The following KANTR variants were observed in gnomAD, a reference collection of about 807,000 sequenced individuals.
KANTR encodes the protein KANTR integral membrane protein, also known as KDM5C adjacent transcript.
chrX:53,136,319 A>G (rs1360281620), intron 2 of KANTR, among the ~76,000 whole-genome samples: 1 of 108,593 alleles, frequency 9.2e-6, no homozygotes, highest in Non-Finnish European at 1.9e-5. Context: ...GCTCACTGCA[A>G]CCTCCACCTC....
downstream of KANTR, among the ~76,000 whole-genome samples, chrX:53,145,424 C>T (rs1338373034): frequency 8.9e-6 from 1 of 111,993 alleles, no homozygotes; most frequent in Non-Finnish European, 1.9e-5. Flanking sequence ...GCAGTCTGAG[C>T]TCAAACTGCA....
In KANTR at chrX:53,098,910, A is replaced by T. The variant is rs1569232890; in HGVS notation, c.-941-562A>T. On this transcript the variant is annotated intron_variant, in intron 1 of 2. Coordinates refer to ENST00000604062, the Ensembl canonical transcript of KANTR. The stretch of plus-strand genomic sequence containing the variant: ...CCAGCCAATTTTTAAAATTTTGCAA[A>T]GGTGGGGTCTTGTTGTGTTGTCCAG... Among the ~76,000 whole-genome samples, 7 of 110,756 alleles carry T rather than the reference A, an allele frequency of 6.3e-5. 1 individual carries two copies. The Admixed American group carries it at 6.8e-4, about 11-fold the overall frequency.
intron 2 of KANTR, among the ~76,000 whole-genome samples, chrX:53,108,335 G>T (rs1222289156): frequency 9.2e-6 from 1 of 109,023 alleles, no homozygotes; most frequent in Non-Finnish European, 1.9e-5. Flanking sequence ...CCAAGCAGCT[G>T]GGACTACAGG....
intron 2 of KANTR, among the ~76,000 whole-genome samples, chrX:53,122,388 C>T (rs966402664): frequency 5.4e-4 from 61 of 112,192 alleles, no homozygotes; most frequent in African/African-American, 1.9e-3. Context: ...ACCATATCAG[C>T]TATAAATAAT....
At chrX:53,144,536 A>G (rs1237735466), downstream of KANTR, among the ~76,000 whole-genome samples, 1 of 111,273 alleles carries the variant, frequency 9.0e-6, no homozygotes, top group East Asian at 2.8e-4. Context: ...TCTCTCCTAA[A>G]AATACAAAAA....
intron 2 of KANTR, among the ~76,000 whole-genome samples, chrX:53,134,417 A>AG (rs782695995): frequency 2.7e-5 from 3 of 111,279 alleles, no homozygotes; most frequent in Non-Finnish European, 5.7e-5. Context: ...ATAAAGGTCA[A>AG]GGTAGTGGTT....
chrX:53,135,360 C>G (rs1556817488), intron 2 of KANTR, among the ~76,000 whole-genome samples: 1 of 111,540 alleles, frequency 9.0e-6, no homozygotes. Flanking sequence ...TTGGATCACC[C>G]CTAGCCACAC....
exon 3 of KANTR, chrX:53,123,861 G>T (rs1438458384): frequency 8.8e-6 from 1 of 113,822 alleles, no homozygotes; most frequent in Non-Finnish European, 1.8e-5. Flanking sequence ...CACCTTCAGG[G>T]ACTGCAGAGA....
At chrX:53,113,826 C>T (rs1212111534) in intron 2 of KANTR, among the ~76,000 whole-genome samples, 1 of 109,530 alleles carries the variant, frequency 9.1e-6, no homozygotes, top group Admixed American at 9.7e-5. Context: ...AGTGATCTGC[C>T]TGCCTCAGCC....
At chrX:53,118,428 T>TA (rs1232418305) in intron 2 of KANTR, among the ~76,000 whole-genome samples, 2 of 111,959 alleles carry the variant, frequency 1.8e-5, no homozygotes, top group African/African-American at 6.5e-5. Context: ...CTTAGCCACA[T>TA]GTTTCCTCTT....
At chrX:53,143,115 G>T (rs1556818723), downstream of KANTR, 3 of 1,146,667 alleles carry the variant, frequency 2.6e-6, no homozygotes, top group East Asian at 9.0e-5. Flanking sequence ...AGGATTCCAT[G>T]CCCAAGAAGG....
intron 2 of KANTR, among the ~76,000 whole-genome samples, chrX:53,102,696 A>G (rs782338277): frequency 9.0e-6 from 1 of 111,666 alleles, no homozygotes; most frequent in Non-Finnish European, 1.9e-5. Context: ...ACCTTGTTGT[A>G]AATCTCATAT....
chrX:53,124,064 T>TTTG (rs1933260570), exon 3 of KANTR: 3 of 230,694 alleles, frequency 1.3e-5, no homozygotes, highest in African/African-American at 6.0e-5. Context: ...GCCTGCTATT[T>TTTG]TTTGTTTGTT....
At chrX:53,130,804 A>G (rs1227249436), downstream of KANTR, among the ~76,000 whole-genome samples, 1 of 111,614 alleles carries the variant, frequency 9.0e-6, no homozygotes, top group Non-Finnish European at 1.9e-5. Flanking sequence ...AAAGCCATCC[A>G]CAAAAAACAC....
At chrX:53,116,130 T>C (rs782436617) in intron 2 of KANTR, among the ~76,000 whole-genome samples, 1 of 111,866 alleles carries the variant, frequency 8.9e-6, no homozygotes, top group South Asian at 3.8e-4. Flanking sequence ...TTCTTTTCAG[T>C]TCTTGTTTTT....
At chrX:53,129,385 A>G (rs1933333127), downstream of KANTR, among the ~76,000 whole-genome samples, 1 of 110,438 alleles carries the variant, frequency 9.1e-6, no homozygotes, top group South Asian at 3.9e-4. Flanking sequence ...CACTGCGCCC[A>G]GCCTGATTTT....
chrX:53,136,229 G>C (rs1556817594), intron 2 of KANTR, among the ~76,000 whole-genome samples: 1 of 110,999 alleles, frequency 9.0e-6, no homozygotes, highest in African/African-American at 3.3e-5. Context: ...CAGAGAGTTT[G>C]TTTCTTTTTG....
downstream of KANTR, among the ~76,000 whole-genome samples, chrX:53,145,228 A>G (rs1933558102): frequency 8.9e-6 from 1 of 111,856 alleles, no homozygotes; most frequent in Non-Finnish European, 1.9e-5. Flanking sequence ...GGGAAGCACA[A>G]GGGGTCAGGG....
downstream of KANTR, among the ~76,000 whole-genome samples, chrX:53,128,717 A>G (rs782632057): frequency 1.3e-4 from 15 of 111,150 alleles, no homozygotes; most frequent in South Asian, 4.9e-3. Context: ...AATTTTTACT[A>G]TATCTTTTAT....
Sources: allele counts gnomAD v4.1 joint callset (sites outside exome capture counted in the v4.1 genomes callset), GRCh38; gene constraint gnomAD v4.1.1; transcripts MANE v1.5; gene names NCBI Gene and HGNC (gene_info 2026-07-23, HGNC 2026-07-21).